Variants in DDAH1 observed in about 807,000 individuals in gnomAD.
The protein encoded by DDAH1 is dimethylarginine dimethylaminohydrolase 1, also known as N(G),N(G)-dimethylarginine dimethylaminohydrolase 1.
Under a neutral mutation model 28.8 loss-of-function variants are expected in DDAH1, and 19 were observed. The ratio of observed to expected loss-of-function variants is 0.66; its 90% CI spans 0.46 to 0.97. The LOEUF is 0.97. Among genes scored for constraint, DDAH1 ranks in the 50% least tolerant of loss-of-function variants. The probability of loss-of-function intolerance (pLI) is 0.00; values close to 1 mark genes in which losing one functional copy is unlikely to be tolerated. For missense variants in DDAH1, 326 were observed against 375.9 expected, an observed-to-expected ratio of 0.87 and a Z score of 1.10; for synonymous variants, 153 against 154.4, an observed-to-expected ratio of 0.99 and a Z score of 0.07.
At chr1:85,347,070 C>G (rs1648894625) in intron 4 of DDAH1, among the ~76,000 whole-genome samples, 1 of 152,030 alleles carries the variant, frequency 6.6e-6, no homozygotes, top group African/African-American at 2.4e-5. Flanking sequence ...AATGAGATAC[C>G]ATCTCACACC....
chr1:85,475,303 C>A (rs913287944), intron 2 of DDAH1, among the ~76,000 whole-genome samples: 7 of 152,134 alleles, frequency 4.6e-5, no homozygotes, highest in African/African-American at 1.4e-4. Context: ...CAAACGTTAG[C>A]CACTTCCATG....
intron 1 of DDAH1, among the ~76,000 whole-genome samples, chr1:85,413,117 A>G (rs755659608): frequency 1.6e-4 from 24 of 152,260 alleles, no homozygotes; most frequent in Non-Finnish European, 2.9e-4. Context: ...AGGCTGCTAC[A>G]TGACTATTAC....
At chr1:85,489,142 C>T (rs1656300518) in intron 2 of DDAH1, among the ~76,000 whole-genome samples, 1 of 152,046 alleles carries the variant, frequency 6.6e-6, no homozygotes, top group Non-Finnish European at 1.5e-5. Context: ...ATTTAGTGGT[C>T]TTTGTGAATA....
chr1:85,343,441 A>G (rs233075), intron 4 of DDAH1, among the ~76,000 whole-genome samples: 138,954 of 152,330 alleles, frequency 0.91, 63,402 homozygotes, highest in South Asian at 0.95. Flanking sequence ...CAAATTCAGA[A>G]GCTATTTGGT....
In DDAH1 at chr1:85,401,070, G is replaced by A. The variant is rs75920304; in HGVS notation, c.304-42223C>T. Among the ~76,000 whole-genome samples, 307 of 152,230 alleles carry A rather than the reference G, an allele frequency of 2.0e-3. 11 individuals carry two copies. The East Asian group carries it at 0.054, about 27-fold the overall frequency. ...GTTTCTAAAGCTTTATATAATACGAGAACATTGGGCTAAAGAGTGAACACT... is the reference window on the plus strand; with the variant it reads ...GTTTCTAAAGCTTTATATAATACGAAAACATTGGGCTAAAGAGTGAACACT... On this transcript the variant is annotated intron_variant, in intron 1 of 5. Coordinates refer to ENST00000284031, the MANE Select transcript of DDAH1 (RefSeq NM_012137.4).
intron 2 of DDAH1, among the ~76,000 whole-genome samples, chr1:85,476,001 G>A (rs541874023): frequency 5.9e-5 from 9 of 152,150 alleles, no homozygotes; most frequent in South Asian, 2.1e-4. Flanking sequence ...AGAGGTGCAC[G>A]CCACCACACC....
chr1:85,443,890 C>T lies in DDAH1; in HGVS notation c.303+20853G>A, dbSNP rs541965590. Among the ~76,000 whole-genome samples the T allele has an allele frequency of 2.0e-5, 3 of 152,252 alleles. No homozygotes were observed. The South Asian group carries it at 6.2e-4, about 32-fold the overall frequency. On this transcript the variant is annotated intron_variant, in intron 1 of 5. Coordinates refer to ENST00000284031, the MANE Select transcript of DDAH1 (RefSeq NM_012137.4). ...GTATCCTGAGACTTTGCTGAAGTTG[C>T]CTATCAGCTTAAGGAGATTTTGGGC...
At chr1:85,451,212 A>AG (rs1457227994) in intron 1 of DDAH1, among the ~76,000 whole-genome samples, 1 of 152,218 alleles carries the variant, frequency 6.6e-6, no homozygotes, top group Admixed American at 6.5e-5. Flanking sequence ...CAGTCTGGGC[A>AG]GGCCACAGGT....
intron 1 of DDAH1, among the ~76,000 whole-genome samples, chr1:85,503,345 C>G (rs1393715116): frequency 6.6e-6 from 1 of 152,130 alleles, no homozygotes; most frequent in African/African-American, 2.4e-5. Flanking sequence ...GCTGAGATTA[C>G]AGGTATGCGC....
At chr1:85,534,825 C>T (rs561580676) in intron 1 of DDAH1, among the ~76,000 whole-genome samples, 1 of 152,050 alleles carries the variant, frequency 6.6e-6, no homozygotes, top group Non-Finnish European at 1.5e-5. Flanking sequence ...GCTTCTGGGC[C>T]CTCTGCCTCT....
intron 1 of DDAH1, among the ~76,000 whole-genome samples, chr1:85,427,723 A>G (rs78358982): frequency 6.6e-6 from 1 of 152,240 alleles, no homozygotes; most frequent in Non-Finnish European, 1.5e-5. Flanking sequence ...GTAACAAAGA[A>G]AGAGAGAAAG....
intron 1 of DDAH1, among the ~76,000 whole-genome samples, chr1:85,383,266 T>C (rs1482456122): frequency 6.6e-6 from 1 of 152,188 alleles, no homozygotes; most frequent in Non-Finnish European, 1.5e-5. Flanking sequence ...TGGAAGAACC[T>C]GATTCCAACT....
intron 1 of DDAH1, chr1:85,575,922 G>C (rs1051338342): frequency 1.3e-5 from 2 of 152,134 alleles, no homozygotes; most frequent in African/African-American, 4.8e-5. Context: ...GGGGTCAGGG[G>C]AGAGGGGAGG....
At chr1:85,385,306 A>G (rs1278468873) in intron 1 of DDAH1, among the ~76,000 whole-genome samples, 1 of 152,208 alleles carries the variant, frequency 6.6e-6, no homozygotes, top group Non-Finnish European at 1.5e-5. Context: ...TGGCTTGGAG[A>G]AAAACAATCC....
intron 1 of DDAH1, among the ~76,000 whole-genome samples, chr1:85,366,531 C>T (rs780854857): frequency 1.5e-4 from 23 of 152,158 alleles, no homozygotes; most frequent in Middle Eastern, 3.4e-3. Context: ...AGGTCATTTC[C>T]GGCTCTAGAC....
intron 1 of DDAH1, among the ~76,000 whole-genome samples, chr1:85,512,839 T>C (rs571174615): frequency 1.3e-4 from 20 of 152,076 alleles, no homozygotes; most frequent in African/African-American, 4.3e-4. Flanking sequence ...CACTGCTCAA[T>C]GAAATAAAAG....
intron 4 of DDAH1, among the ~76,000 whole-genome samples, chr1:85,326,151 A>T (rs180959627): frequency 2.0e-5 from 3 of 152,294 alleles, no homozygotes; most frequent in African/African-American, 7.2e-5. Context: ...GCCCTTCCTG[A>T]CTCACCAGTC....
At chr1:85,372,301 G>A (rs1022902337) in intron 1 of DDAH1, among the ~76,000 whole-genome samples, 8 of 152,140 alleles carry the variant, frequency 5.3e-5, no homozygotes, top group African/African-American at 1.9e-4. Context: ...TCCAACCATA[G>A]TTGTACAAAA....
chr1:85,356,377 G>GA (rs1353663473), intron 2 of DDAH1, among the ~76,000 whole-genome samples: 1 of 152,158 alleles, frequency 6.6e-6, no homozygotes, highest in African/African-American at 2.4e-5. Flanking sequence ...ATGAGGCTTT[G>GA]AATTACAGAG....
Sources: allele counts gnomAD v4.1 joint callset (sites outside exome capture counted in the v4.1 genomes callset), GRCh38; gene constraint gnomAD v4.1.1; transcripts MANE v1.5; gene names NCBI Gene and HGNC (gene_info 2026-07-23, HGNC 2026-07-21).